RNF146: variants seen among roughly 807,000 people sequenced by gnomAD.
RNF146 encodes the protein ring finger protein 146.
Under a neutral mutation model 29.7 loss-of-function variants are expected in RNF146, and 11 were observed. The ratio of observed to expected loss-of-function variants is 0.37; its 90% confidence interval spans 0.23 to 0.61. RNF146 has a LOEUF of 0.61. Among genes scored for constraint, RNF146 ranks in the 20% least tolerant of loss-of-function variants. The pLI is 0.66. For synonymous variants in RNF146, 150 were observed against 159.7 expected, an observed-to-expected ratio of 0.94 and a Z score of 0.46; for missense variants, 342 against 438.9, an observed-to-expected ratio of 0.78 and a Z score of 1.97.
chr6:127,284,248 TTTTA>T (rs1363829239), intron 2 of RNF146, among the ~76,000 whole-genome samples: 1 of 151,788 alleles, frequency 6.6e-6, no homozygotes, highest in Non-Finnish European at 1.5e-5. Context: ...CAGACTCTGT[TTTTA>T]TTTATGTTTT....
chr6:127,266,748 C>A (rs937835026), upstream of RNF146: 1 of 152,278 alleles, frequency 6.6e-6, no homozygotes, highest in East Asian at 1.9e-4. Flanking sequence ...GAGACAGGGG[C>A]AGAACGATGA....
chr6:127,286,008 A>G lies in RNF146; in HGVS notation c.3-608A>G. On this transcript the variant is annotated intron_variant, in intron 2 of 2. Transcript: ENST00000368314. This position sits in a 1 kb window ranked among gnomAD's most constrained non-coding sequence, Gnocchi z 4.6. ...AATTTTATGTCAGTGTTTAAGCTAG[A>G]TACATCCAATTTGACAAATCTTTTT... 2 of 1,216,238 alleles carry G rather than the reference A, an allele frequency of 1.6e-6. No individual in the cohort carries two copies. Among genetic ancestry groups the G allele is most frequent in the Non-Finnish European group, 1.0e-6 (1 of 975,144 alleles). 75.3% of individuals were successfully genotyped at this position (1,216,238 alleles called of 1,614,324 possible).
In RNF146 at chr6:127,286,126, A is replaced by G; in HGVS notation, c.3-490A>G. On this transcript the variant is annotated intron_variant, in intron 2 of 2. Coordinates refer to ENST00000368314, the MANE Select transcript of RNF146 (RefSeq NM_001242850.2). The surrounding 1 kb of genome is among the most constrained non-coding windows in gnomAD (Gnocchi z 4.6). ...CCTTTATGAAGCTTTAGTGATTACA[A>G]AGCACTTTTTTTGTCCATTTTTACC... 5.7e-6 allele frequency: 7 copies of G among 1,230,892 alleles called. No individual in the cohort carries two copies. Among genetic ancestry groups the G allele is most frequent in the Non-Finnish European group, 7.1e-6 (7 of 987,492 alleles). 76.2% of individuals were successfully genotyped at this position (1,230,892 alleles called of 1,614,324 possible).
Position 127,275,478 on chromosome 6 carries a change from A to AT in RNF146, c.-108-4748dup, listed in dbSNP as rs1381802301. On this transcript the variant is annotated intron_variant, in intron 1 of 2. Transcript: ENST00000368314. ...TCACAATAGTTACTTTTAGGAGTTGATTTTTCATTCATCCAAAAAATATCA... is the reference window on the plus strand; with the variant it reads ...TCACAATAGTTACTTTTAGGAGTTGATTTTTTCATTCATCCAAAAAATATCA... Among the ~76,000 whole-genome samples the AT allele has an allele frequency of 1.1e-4, 17 of 152,108 alleles. No individual in the cohort carries two copies. In the South Asian group the frequency reaches 3.1e-3, roughly 28 times the overall value.
chr6:127,287,549 A>G lies in RNF146; in HGVS notation c.936A>G (p.Arg312=). Residue 312 remains arginine, a synonymous_variant, in exon 3 of 3, where the codon AGA becomes AGG. Coordinates refer to ENST00000368314, the MANE Select transcript of RNF146 (RefSeq NM_001242850.2). Reference sequence around the variant, plus strand: ...CACAGCACTCCTTGACCCAACAGAGACTTTTGGTTTCTAATGCAAACCAGA... The same window carrying G: ...CACAGCACTCCTTGACCCAACAGAGGCTTTTGGTTTCTAATGCAAACCAGA... The part of the protein sequence containing the change: ...VVAQHSLTQQ[R]LLVSNANQTV... 6.2e-7 allele frequency: 1 copy of G among 1,613,040 alleles called. No individual in the cohort carries two copies. Among genetic ancestry groups the G allele is most frequent in the Non-Finnish European group, 8.5e-7 (1 of 1,179,488 alleles).
intron 1 of RNF146, among the ~76,000 whole-genome samples, chr6:127,274,525 ATTTC>A (rs761244830): frequency 6.6e-6 from 1 of 152,148 alleles, no homozygotes; most frequent in Non-Finnish European, 1.5e-5. Context: ...TTTTTTGTGT[ATTTC>A]TTAGGAATAA....
Position 127,287,167 on chromosome 6 carries a change from G to C in RNF146, c.554G>C (p.Cys185Ser), listed in dbSNP as rs779999370. 1.2e-6 allele frequency: 2 copies of C among 1,613,382 alleles called. No individual in the cohort carries two copies. The highest frequency in any genetic ancestry group is 2.2e-5 in the South Asian group (2 of 91,074). Reference protein sequence around the residue: ...KKGVAGLRLDCDANTVNLARE... With the variant: ...KKGVAGLRLDSDANTVNLARE... The stretch of plus-strand genomic sequence containing the variant: ...GGAGTAGCTGGACTTAGGCTAGACT[G>C]TGATGCTAATACCGTAAACCTAGCA... The change falls in exon 3 of 3, where the codon TGT (cysteine) becomes TCT (serine). Residue 185 changes from cysteine to serine, a missense_variant. Coordinates refer to ENST00000368314, the MANE Select transcript of RNF146 (RefSeq NM_001242850.2).
In RNF146 at chr6:127,286,540, G is replaced by C. The variant is rs946148380; in HGVS notation, c.3-76G>C. The C allele has an allele frequency of 7.8e-6, 10 of 1,287,700 alleles. No homozygotes were observed. The Admixed American group carries it at 8.9e-5, about 11-fold the overall frequency. The allele number at this position is 1,287,700 out of a possible 1,614,324, so 79.8% of individuals were successfully genotyped here. On this transcript the variant is annotated intron_variant, in intron 2 of 2. Transcript: ENST00000368314. The surrounding 1 kb of genome is among the most constrained non-coding windows in gnomAD (Gnocchi z 4.6). ...ATATAATGCACATCATAGGTGGTTA[G>C]TGTTTTCATAATTGTTAAATTAAGA...
rs894793547 is a variant in RNF146 at position 127,280,204 on chromosome 6, C to T, written c.-108-27C>T. 7.0e-5 allele frequency: 57 copies of T among 809,290 alleles called. No homozygotes were observed. The African/African-American group carries it at 9.6e-4, about 14-fold the overall frequency. 50.1% of individuals were successfully genotyped at this position (809,290 alleles called of 1,614,324 possible). On this transcript the variant is annotated intron_variant, in intron 1 of 2. Coordinates refer to ENST00000368314, the MANE Select transcript of RNF146 (RefSeq NM_001242850.2). ...TACATAATTAACTGATTCTCTTGAT[C>T]TTAATTACTCTTTTTTTCTTTTGCA...
At position 127,287,610 on chromosome 6, in the gene RNF146, C is replaced by A; in HGVS notation, c.997C>A (p.Arg333=). The A allele has an allele frequency of 6.2e-7, 1 of 1,612,616 alleles. No homozygotes were observed. Among genetic ancestry groups the A allele is most frequent in the Non-Finnish European group, 8.5e-7 (1 of 1,179,264 alleles). ...PDRSDRSGTD[R]SVAGGGTVSV... ...TCGATCAGATCGATCGGGAACTGAT[C>A]GATCAGTAGCAGGGGGTGGAACAGT... The change falls in exon 3 of 3, where the codon CGA becomes AGA. Residue 333 remains arginine (R), a synonymous_variant. Transcript: ENST00000368314.
Position 127,280,527 on chromosome 6 carries a change from T to C in RNF146, c.2+187T>C, listed in dbSNP as rs894840179. 4 of 1,257,650 alleles carry C rather than the reference T, an allele frequency of 3.2e-6. No homozygotes were observed. In the South Asian group the frequency reaches 1.2e-4, roughly 37 times the overall value. 77.9% of individuals were successfully genotyped at this position (1,257,650 alleles called of 1,614,324 possible). On this transcript the variant is annotated intron_variant, in intron 2 of 2. Coordinates refer to ENST00000368314, the MANE Select transcript of RNF146 (RefSeq NM_001242850.2). ...TATCGTTAATGTAGATTTCCAAGTC[T>C]CCTCAAAAGGAAAAGTCTCTATAAG...
intron 1 of RNF146, among the ~76,000 whole-genome samples, chr6:127,277,814 G>T (rs1218812143): frequency 6.6e-6 from 1 of 152,032 alleles, no homozygotes; most frequent in Non-Finnish European, 1.5e-5. Context: ...GACACACCCA[G>T]GATCAATACT....
chr6:127,280,233 C>G lies in RNF146; in HGVS notation c.-106C>G, dbSNP rs779919135. The G allele has an allele frequency of 1.4e-5, 15 of 1,090,810 alleles. No individual in the cohort carries two copies. The highest frequency in any genetic ancestry group is 1.9e-5 in the Non-Finnish European group (14 of 740,542). The allele number at this position is 1,090,810 out of a possible 1,614,324, so 67.6% of individuals were successfully genotyped here. On this transcript the variant is annotated splice_region_variant and 5_prime_UTR_variant, in exon 2 of 3. Transcript: ENST00000368314. The stretch of plus-strand genomic sequence containing the variant: ...ATTACTCTTTTTTTCTTTTGCAGCA[C>G]AAAGAATGAACCAGCAGTGGAAGAG...
rs554353835 is a variant in RNF146, at chr6:127,267,893, T to G, written c.-109+968T>G. The stretch of plus-strand genomic sequence containing the variant: ...TGTCGCTATTTATTTTGCTAAGGCT[T>G]CTAAAGAATGTAAAATTGTTTTAAG... On this transcript the variant is annotated intron_variant, in intron 1 of 2. Transcript: ENST00000368314. Among the ~76,000 whole-genome samples the G allele has an allele frequency of 3.9e-5, 6 of 152,344 alleles. No individual in the cohort carries two copies. The South Asian group carries it at 1.2e-3, about 32-fold the overall frequency.
intron 2 of RNF146, chr6:127,285,124 AG>A: frequency 2.8e-6 from 2 of 706,268 alleles, no homozygotes; most frequent in Non-Finnish European, 3.5e-6. Flanking sequence ...TTTAGTGATC[AG>A]TTCTTCCATT....
In RNF146 at chr6:127,287,476, C is replaced by T; in HGVS notation, c.863C>T (p.Thr288Ile). The T allele has an allele frequency of 6.2e-7, 1 of 1,613,400 alleles. No homozygotes were observed. Among genetic ancestry groups the T allele is most frequent in the Non-Finnish European group, 8.5e-7 (1 of 1,179,604 alleles). Residue 288 changes from threonine (T) to isoleucine (I), a missense_variant, in exon 3 of 3, where the codon ACT (threonine) becomes ATT (isoleucine). By Grantham distance (89) the Thr-to-Ile change is moderately conservative. This residue lies in a region of RNF146 where 196 missense variants were observed against 208.9 expected (regional missense o/e 0.94). Transcript: ENST00000368314. ...GCACCAGACACCTCCATTGAAGAAACTGAATCAGATGCCAGTAGTGATAGT... is the reference window on the plus strand; with the variant it reads ...GCACCAGACACCTCCATTGAAGAAATTGAATCAGATGCCAGTAGTGATAGT... ...VPAPDTSIEE[T>I]ESDASSDSED...
chr6:127,280,222 C>T lies in RNF146; in HGVS notation c.-108-9C>T. ...TCTTGATCTTAATTACTCTTTTTTT[C>T]TTTTGCAGCACAAAGAATGAACCAG... On this transcript the variant is annotated splice_polypyrimidine_tract_variant and intron_variant, in intron 1 of 2. Coordinates refer to ENST00000368314, the MANE Select transcript of RNF146 (RefSeq NM_001242850.2). 4.3e-5 allele frequency: 41 copies of T among 961,986 alleles called. No homozygotes were observed. The highest frequency in any genetic ancestry group is 3.7e-4 in the Admixed American group (15 of 40,966). 59.6% of individuals were successfully genotyped at this position (961,986 alleles called of 1,614,324 possible).
chr6:127,276,469 T>G (rs1419444180), intron 1 of RNF146, among the ~76,000 whole-genome samples: 1 of 151,988 alleles, frequency 6.6e-6, no homozygotes, highest in Non-Finnish European at 1.5e-5. Context: ...GATGTCATAT[T>G]GTAAGAATTA....
intron 1 of RNF146, among the ~76,000 whole-genome samples, chr6:127,278,373 C>T (rs962441530): frequency 1.3e-5 from 2 of 151,940 alleles, no homozygotes; most frequent in African/African-American, 4.8e-5. Flanking sequence ...CTCCACTTTC[C>T]TTCCTTCACT....
Sources: gnomAD v4.1 joint callset for allele counts (sites outside exome capture counted in the v4.1 genomes callset) on GRCh38, gnomAD v4.1.1 for gene constraint, gnomAD v4.1.1 regional missense constraint, Gnocchi (gnomAD v3.1) non-coding constraint, MANE v1.5 for transcripts, NCBI Gene and HGNC (gene_info 2026-07-23, HGNC 2026-07-21) for gene names.